DNMBP: variants seen among roughly 807,000 people sequenced by gnomAD.
DNMBP encodes dynamin binding protein, also known as dynamin-binding protein.
DNMBP carries 87 observed loss-of-function variants against 150.0 expected under a neutral mutation model. The observed-to-expected ratio is 0.58, with a 90% confidence interval of 0.49 to 0.69. DNMBP has a LOEUF of 0.69. Ranked by LOEUF, DNMBP falls within the 30% of genes least tolerant of loss-of-function variation. The probability of loss-of-function intolerance (pLI) is 0.00; values close to 1 mark genes in which losing one functional copy is unlikely to be tolerated. For missense variants in DNMBP, 1,774 were observed against 1,949.0 expected, an observed-to-expected ratio of 0.91 and a Z score of 1.69; for synonymous variants, 711 against 750.4, an observed-to-expected ratio of 0.95 and a Z score of 0.86.
Position 99,898,739 on chromosome 10 carries a change from T to C in DNMBP, c.2720+4A>G, listed in dbSNP as rs1251238387. The C allele has an allele frequency of 5.6e-6, 9 of 1,613,838 alleles. No homozygotes were observed. The highest frequency in any genetic ancestry group is 7.6e-6 in the Non-Finnish European group (9 of 1,179,810). ...CGCATACATCAAGCAGCAATGGAAC[T>C]TACCATTCGTTGTATAGGCTCCTGC... On this transcript the variant is annotated splice_donor_region_variant and intron_variant, in intron 8 of 16. Coordinates refer to ENST00000324109, the MANE Select transcript of DNMBP (RefSeq NM_015221.4).
chr10:99,928,912 G>A (rs970676839), intron 4 of DNMBP, among the ~76,000 whole-genome samples: 6 of 151,984 alleles, frequency 3.9e-5, no homozygotes, highest in Non-Finnish European at 8.8e-5. Flanking sequence ...GGGAAGCAGA[G>A]GTGGGTGGTT....
At chr10:99,982,399 G>A (rs188938620) in intron 1 of DNMBP, among the ~76,000 whole-genome samples, 4 of 152,074 alleles carry the variant, frequency 2.6e-5, no homozygotes, top group Admixed American at 1.3e-4. Context: ...AGCCTAGATC[G>A]TGCTACTGCA....
chr10:99,895,091 C>T lies in DNMBP; in HGVS notation c.3052-41G>A, dbSNP rs768173495. 6.5e-5 allele frequency: 74 copies of T among 1,144,284 alleles called. 1 individual carries two copies. In the South Asian group the frequency reaches 9.9e-4, roughly 15 times the overall value. The allele number at this position is 1,144,284 out of a possible 1,614,324, so 70.9% of individuals were successfully genotyped here. A position where few individuals can be genotyped will look rare whatever the true frequency, so the allele number is the denominator to read the frequency against. On this transcript the variant is annotated intron_variant, in intron 10 of 16. Coordinates refer to ENST00000324109, the MANE Select transcript of DNMBP (RefSeq NM_015221.4). ...CAAGTGCTGTTAGCAAATCTGGACA[C>T]TCCTTTAATCTTACTGGCAAAAGTA...
intron 3 of DNMBP, among the ~76,000 whole-genome samples, chr10:99,967,497 G>T (rs2040631176): frequency 6.6e-6 from 1 of 152,132 alleles, no homozygotes; most frequent in Non-Finnish European, 1.5e-5. Context: ...CTGCACTCCA[G>T]CCTCGACAGA....
chr10:99,946,436 C>T (rs558603276), intron 4 of DNMBP, among the ~76,000 whole-genome samples: 2 of 152,242 alleles, frequency 1.3e-5, no homozygotes, highest in South Asian at 2.1e-4. Flanking sequence ...TGGAACAGAA[C>T]AGAAAATCCA....
chr10:99,959,939 A>G (rs2040546180), intron 3 of DNMBP, among the ~76,000 whole-genome samples: 1 of 152,116 alleles, frequency 6.6e-6, no homozygotes, highest in African/African-American at 2.4e-5. Flanking sequence ...ATGTTCAATC[A>G]TGTTCTCCAG....
intron 1 of DNMBP, among the ~76,000 whole-genome samples, chr10:99,977,353 T>C (rs2040738819): frequency 6.6e-6 from 1 of 152,228 alleles, no homozygotes; most frequent in Non-Finnish European, 1.5e-5. Flanking sequence ...AGCATATATT[T>C]TGAAACAATC....
intron 1 of DNMBP, among the ~76,000 whole-genome samples, chr10:99,976,570 T>C (rs991540111): frequency 3.2e-4 from 48 of 152,190 alleles, no homozygotes; most frequent in Admixed American, 9.8e-4. Flanking sequence ...ACCAAAATTA[T>C]GTAAAGTTCC....
At chr10:100,008,983 T>C (rs1043236819) in intron 1 of DNMBP, among the ~76,000 whole-genome samples, 2 of 152,224 alleles carry the variant, frequency 1.3e-5, no homozygotes, top group African/African-American at 2.4e-5. Flanking sequence ...CATCATTAGT[T>C]ATGAAAGTGT....
intron 15 of DNMBP, among the ~76,000 whole-genome samples, chr10:99,883,795 C>G (rs7087531): frequency 1.3e-5 from 2 of 151,998 alleles, no homozygotes; most frequent in Non-Finnish European, 2.9e-5. Context: ...TGATAAGCAA[C>G]GGTGTCTCCT....
intron 14 of DNMBP, among the ~76,000 whole-genome samples, chr10:99,884,584 T>C (rs1244366876): frequency 1.3e-5 from 2 of 152,068 alleles, no homozygotes; most frequent in Non-Finnish European, 2.9e-5. Context: ...TCCCCACCTG[T>C]GAAAGCAAGG....
In DNMBP at chr10:99,956,777, C is replaced by A. The variant is rs1564745734; in HGVS notation, c.697G>T (p.Glu233Ter). Residue 233 changes from glutamate to a stop codon, truncating the protein, a stop_gained, in exon 4 of 17, where the codon GAA (glutamate) becomes TAA (stop). Coordinates refer to ENST00000324109, the MANE Select transcript of DNMBP (RefSeq NM_015221.4). LOFTEE classifies it high-confidence loss of function. The part of the protein sequence containing the change: ...NGEVDTPVGE[E>*]EIGPDEDEEE... Reference sequence around the variant, plus strand: ...TCATCCTCATCCGGCCCTATCTCTTCTTCTCCTACAGGGGTATCTACTTCA... The same window carrying A: ...TCATCCTCATCCGGCCCTATCTCTTATTCTCCTACAGGGGTATCTACTTCA... The A allele has an allele frequency of 6.2e-7, 1 of 1,614,228 alleles. No homozygotes were observed. Among genetic ancestry groups the A allele is most frequent in the Non-Finnish European group, 8.5e-7 (1 of 1,180,048 alleles).
At chr10:99,962,788 C>T (rs1486063856) in intron 3 of DNMBP, among the ~76,000 whole-genome samples, 1 of 152,192 alleles carries the variant, frequency 6.6e-6, no homozygotes, top group Non-Finnish European at 1.5e-5. Flanking sequence ...CCATAACTCC[C>T]ACTCTGCTGG....
chr10:99,917,202 C>G (rs145166576), intron 4 of DNMBP, among the ~76,000 whole-genome samples: 1 of 151,972 alleles, frequency 6.6e-6, no homozygotes, highest in African/African-American at 2.4e-5. Context: ...ACTAAAAATA[C>G]AAAAATTAGT....
intron 4 of DNMBP, among the ~76,000 whole-genome samples, chr10:99,924,437 C>T (rs1393397865): frequency 2.6e-5 from 4 of 152,134 alleles, no homozygotes; most frequent in Non-Finnish European, 1.5e-5. Context: ...AGCGAGACTC[C>T]GTCTCAAAAA....
chr10:99,984,910 T>C (rs11816453), intron 1 of DNMBP, among the ~76,000 whole-genome samples: 1,822 of 152,250 alleles, frequency 0.012, 39 homozygotes, highest in African/African-American at 0.04. Flanking sequence ...TTACAAATTT[T>C]TCCCTTTTTT....
chr10:99,911,275 G>C (rs1378685590), intron 4 of DNMBP, among the ~76,000 whole-genome samples: 2 of 152,040 alleles, frequency 1.3e-5, no homozygotes, highest in African/African-American at 4.8e-5. Flanking sequence ...CGCACTTTGG[G>C]AGTCTGAGGC....
intron 3 of DNMBP, among the ~76,000 whole-genome samples, chr10:99,963,612 A>AC (rs1201138055): frequency 1.4e-5 from 2 of 144,666 alleles, no homozygotes; most frequent in South Asian, 4.6e-4. Context: ...AAGTGTGGTG[A>AC]CCCTTAGGGT....
chr10:99,897,343 C>T (rs770625179), intron 9 of DNMBP, among the ~76,000 whole-genome samples: 3 of 152,026 alleles, frequency 2.0e-5, no homozygotes, highest in Non-Finnish European at 4.4e-5. Context: ...GCAGTGAAGA[C>T]AGGACAAGAA....
Sources: gnomAD v4.1 joint callset for allele counts (sites outside exome capture counted in the v4.1 genomes callset) on GRCh38, gnomAD v4.1.1 for gene constraint, MANE v1.5 for transcripts, NCBI Gene and HGNC (gene_info 2026-07-23, HGNC 2026-07-21) for gene names.